CPEB2: variants seen among roughly 807,000 people sequenced by gnomAD.
CPEB2 encodes cytoplasmic polyadenylation element-binding protein 2.
CPEB2 carries 56 observed loss-of-function variants against 93.6 expected under a neutral mutation model. That is an observed-to-expected ratio of 0.60 (90% CI 0.48 to 0.75). The LOEUF (loss-of-function observed/expected upper bound fraction) is 0.75. Ranked by LOEUF, CPEB2 falls within the 30% of genes least tolerant of loss-of-function variation. CPEB2 has a pLI of 0.00. For synonymous variants in CPEB2, 764 were observed against 586.3 expected, an observed-to-expected ratio of 1.30 and a Z score of -4.38; for missense variants, 1,579 against 1,395.1, an observed-to-expected ratio of 1.13 and a Z score of -2.10.
At chr4:15,012,034 A>G (rs1453916650) in intron 3 of CPEB2, among the ~76,000 whole-genome samples, 2 of 152,212 alleles carry the variant, frequency 1.3e-5, no homozygotes, top group Non-Finnish European at 2.9e-5. Flanking sequence ...TATTATTTGA[A>G]TCTTTACTCA....
chr4:15,046,070 C>T (rs983411341), intron 6 of CPEB2, among the ~76,000 whole-genome samples: 2 of 152,040 alleles, frequency 1.3e-5, no homozygotes, highest in African/African-American at 4.8e-5. Context: ...TATTTTTGTA[C>T]CTTTTTGTAT....
intron 1 of CPEB2, among the ~76,000 whole-genome samples, chr4:15,005,372 T>C (rs1047329989): frequency 6.6e-6 from 1 of 152,248 alleles, no homozygotes; most frequent in Non-Finnish European, 1.5e-5. Context: ...CCGTGTGTAT[T>C]TTAAGTAGGT....
intron 1 of CPEB2, among the ~76,000 whole-genome samples, chr4:15,006,059 A>T (rs1004197075): frequency 3.4e-5 from 4 of 116,188 alleles, no homozygotes; most frequent in African/African-American, 1.1e-4. Flanking sequence ...CACAGCTTTC[A>T]TATGGAATTT....
chr4:15,033,211 G>T lies in CPEB2; in HGVS notation c.2176G>T (p.Ala726Ser). Residue 726 changes from alanine (A) to serine (S), a missense_variant and splice_region_variant, in exon 5 of 12, where the codon GCA becomes TCA. Ala to Ser is a moderately conservative substitution (Grantham distance 99). Coordinates refer to ENST00000538197, the MANE Select transcript of CPEB2 (RefSeq NM_001177382.2). The part of the protein sequence containing the change: ...PGTDNLLMLN[A>S]RSYGRRRGRS... Reference sequence around the variant, plus strand: ...AACTGACAATCTGTTGATGTTAAATGGTAAGTTTTATAAAAACATTTTATG... The same window carrying T: ...AACTGACAATCTGTTGATGTTAAATTGTAAGTTTTATAAAAACATTTTATG... 3 of 1,577,192 alleles carry T rather than the reference G, an allele frequency of 1.9e-6. No individual in the cohort carries two copies. Among genetic ancestry groups the T allele is most frequent in the Non-Finnish European group, 2.6e-6 (3 of 1,148,990 alleles).
intron 3 of CPEB2, among the ~76,000 whole-genome samples, chr4:15,015,688 T>G (rs900424157): frequency 2.0e-5 from 3 of 152,010 alleles, no homozygotes; most frequent in Non-Finnish European, 4.4e-5. Flanking sequence ...ATAAACCTTT[T>G]CTTCGGGAAA....
At chr4:15,033,118 T>G in intron 4 of CPEB2, 43 bp from the exon 5 acceptor site, 1 of 1,433,916 alleles carries the variant, frequency 7.0e-7, no homozygotes, top group Non-Finnish European at 9.6e-7. Flanking sequence ...GCTTTTCAAA[T>G]AACTCCATAA....
Position 15,067,180 on chromosome 4 carries a change from T to C in CPEB2, c.*800T>C, listed in dbSNP as rs1332546418. 1 of 152,516 alleles carries C rather than the reference T, an allele frequency of 6.6e-6. No individual in the cohort carries two copies. Among genetic ancestry groups the C allele is most frequent in the Non-Finnish European group, 1.5e-5 (1 of 67,986 alleles). 9.4% of individuals were successfully genotyped at this position (152,516 alleles called of 1,614,324 possible). On this transcript the variant is annotated 3_prime_UTR_variant, in exon 12 of 12. Coordinates refer to ENST00000538197, the MANE Select transcript of CPEB2 (RefSeq NM_001177382.2). ...AATTATTAACTAACGAGGTGAGGTA[T>C]TGCAAATGTTCAAAAAAGCTCTCTT...
chr4:15,058,109 C>T (rs988297452), intron 8 of CPEB2, among the ~76,000 whole-genome samples: 1 of 152,116 alleles, frequency 6.6e-6, no homozygotes, highest in African/African-American at 2.4e-5. Context: ...TTTGGTGGTA[C>T]TTTGATTTTT....
intron 5 of CPEB2, among the ~76,000 whole-genome samples, chr4:15,038,375 T>G (rs1236970814): frequency 6.6e-6 from 1 of 152,214 alleles, no homozygotes; most frequent in Admixed American, 6.5e-5. Flanking sequence ...CATTTGACTT[T>G]AAACTTGATG....
Position 15,003,502 on chromosome 4 carries a change from G to A in CPEB2, c.829G>A (p.Gly277Arg), listed in dbSNP as rs1232352978. Reference protein sequence around the residue: ...SPPAAPRRRHGGAGSPRKTPA... With the variant: ...SPPAAPRRRHRGAGSPRKTPA... ...GCCTGCAGCCCCGCGGCGCCGCCACGGAGGCGCGGGCAGCCCTCGCAAGAC... is the reference window on the plus strand; with the variant it reads ...GCCTGCAGCCCCGCGGCGCCGCCACAGAGGCGCGGGCAGCCCTCGCAAGAC... Residue 277 changes from glycine to arginine, a missense_variant, in exon 1 of 12, where the codon GGA (glycine) becomes AGA (arginine). This residue lies in a region of CPEB2 where 1,411 missense variants were observed against 1,056.0 expected (regional missense o/e 1.34). Transcript: ENST00000538197. 2.8e-6 allele frequency: 4 copies of A among 1,408,594 alleles called. No individual in the cohort carries two copies. The East Asian group carries it at 1.2e-4, about 44-fold the overall frequency. The allele number at this position is 1,408,594 out of a possible 1,614,324, so 87.3% of individuals were successfully genotyped here.
chr4:15,068,344 A>C lies in CPEB2; in HGVS notation c.*1964A>C, dbSNP rs1029498260. ...TTTCAGAAGAGCTTTTTACTAATTTATTTGTCAGTGTTCCCTATTTGTTAC... is the reference window on the plus strand; with the variant it reads ...TTTCAGAAGAGCTTTTTACTAATTTCTTTGTCAGTGTTCCCTATTTGTTAC... On this transcript the variant is annotated 3_prime_UTR_variant, in exon 12 of 12. Transcript: ENST00000538197. The C allele has an allele frequency of 6.6e-6, 1 of 152,272 alleles. No individual in the cohort carries two copies. Among genetic ancestry groups the C allele is most frequent in the Non-Finnish European group, 1.5e-5 (1 of 67,846 alleles). 9.4% of individuals were successfully genotyped at this position (152,272 alleles called of 1,614,324 possible).
Position 15,003,716 on chromosome 4 carries a change from C to G in CPEB2, c.1043C>G (p.Pro348Arg), listed in dbSNP as rs960815713. ...AFSSLQSPDL[P>R]HPGGGGGGGG... is the part of the protein sequence containing the mutation. ...AGCAGCCTGCAGAGCCCGGACCTTC[C>G]ACACCCGGGCGGCGGCGGCGGCGGC... The change falls in exon 1 of 12, where the codon CCA (proline) becomes CGA (arginine). Residue 348 changes from proline to arginine, a missense_variant. By Grantham distance (103) the Pro-to-Arg change is moderately radical (BLOSUM62 -2). Coordinates refer to ENST00000538197, the MANE Select transcript of CPEB2 (RefSeq NM_001177382.2). The G allele has an allele frequency of 7.5e-6, 10 of 1,327,944 alleles. No individual in the cohort carries two copies. The highest frequency in any genetic ancestry group is 9.6e-6 in the Non-Finnish European group (10 of 1,044,864). 82.3% of individuals were successfully genotyped at this position (1,327,944 alleles called of 1,614,324 possible).
chr4:15,028,383 C>CT (rs1725706801), intron 4 of CPEB2, among the ~76,000 whole-genome samples: 1 of 151,166 alleles, frequency 6.6e-6, no homozygotes, highest in Non-Finnish European at 1.5e-5. Flanking sequence ...CACATACAAA[C>CT]ACATGTTAAG....
intron 4 of CPEB2, among the ~76,000 whole-genome samples, chr4:15,027,485 A>G (rs1022789163): frequency 6.6e-6 from 1 of 152,200 alleles, no homozygotes; most frequent in African/African-American, 2.4e-5. Flanking sequence ...GTGGTCAGGA[A>G]TGACTGTCCT....
intron 11 of CPEB2, among the ~76,000 whole-genome samples, chr4:15,063,309 A>T (rs1729380146): frequency 6.6e-6 from 1 of 151,956 alleles, no homozygotes; most frequent in African/African-American, 2.4e-5. Flanking sequence ...GCATAGGTTC[A>T]GTTCACAAAT....
At chr4:15,053,215 A>G (rs367918568) in intron 7 of CPEB2, among the ~76,000 whole-genome samples, 10 of 152,080 alleles carry the variant, frequency 6.6e-5, no homozygotes, top group African/African-American at 2.4e-4. Flanking sequence ...ACGGGGTTTC[A>G]CTGTGTTAGC....
intron 4 of CPEB2, among the ~76,000 whole-genome samples, chr4:15,029,686 G>T (rs1725871592): frequency 6.6e-6 from 1 of 152,044 alleles, no homozygotes; most frequent in South Asian, 2.1e-4. Context: ...TAAGATAGAA[G>T]TTTGTTTCCC....
rs923339070 is a variant in CPEB2 at position 15,046,040 on chromosome 4, A to G, written c.2200+5553A>G. 3.0e-4 allele frequency among the ~76,000 whole-genome samples: 46 copies of G among 152,226 alleles called. 1 individual carries two copies. Among genetic ancestry groups the G allele is most frequent in the Admixed American group, 2.9e-3 (45 of 15,280 alleles). On this transcript the variant is annotated intron_variant, in intron 6 of 11. Transcript: ENST00000538197. ...TTGAGTTATACATTTGGTACTTGTT[A>G]TGAATAAACCTTCCATGAATATTTT... is the stretch of plus-strand genomic sequence containing the variant.
chr4:15,066,369 C>T lies in CPEB2; in HGVS notation c.3094C>T (p.Arg1032Cys), dbSNP rs1462574997. 23 of 1,600,626 alleles carry T rather than the reference C, an allele frequency of 1.4e-5. No homozygotes were observed. The highest frequency in any genetic ancestry group is 2.2e-5 in the East Asian group (1 of 44,476). Residue 1032 changes from arginine (R) to cysteine (C), a missense_variant, in exon 12 of 12, where the codon CGC (arginine) becomes TGC (cysteine). Coordinates refer to ENST00000538197, the MANE Select transcript of CPEB2 (RefSeq NM_001177382.2). ...TGATCGCCCACGTCAGATCCACTTC[C>T]GCTGGAACTAAGAATAGCAAACTGG... ...GADRPRQIHF[R>C]WN
Sources: gnomAD v4.1 joint callset for allele counts (sites outside exome capture counted in the v4.1 genomes callset) on GRCh38, gnomAD v4.1.1 for gene constraint, gnomAD v4.1.1 regional missense constraint, MANE v1.5 for transcripts, NCBI Gene and HGNC (gene_info 2026-07-23, HGNC 2026-07-21) for gene names.